FZD3: variants seen among roughly 807,000 people sequenced by gnomAD.
FZD3 encodes the protein frizzled-3.
In FZD3, 30 loss-of-function variants were observed where a neutral mutation model predicts 60.7. The observed-to-expected ratio is 0.49, with a 90% CI of 0.37 to 0.67. FZD3 has a LOEUF of 0.67. Among genes scored for constraint, FZD3 ranks in the 30% least tolerant of loss-of-function variants. FZD3 has a pLI of 0.00. For synonymous variants in FZD3, 246 were observed against 275.2 expected (o/e 0.89, Z 1.05); for missense variants, 605 against 838.7 (o/e 0.72, Z 3.44).
chr8:28,513,783 T>C (rs1397020622), intron 3 of FZD3, among the ~76,000 whole-genome samples: 1 of 152,160 alleles, frequency 6.6e-6, no homozygotes, highest in East Asian at 1.9e-4. Context: ...CCAAACCCCA[T>C]AGGGTACAGT....
intron 1 of FZD3, among the ~76,000 whole-genome samples, chr8:28,496,797 ATG>A (rs747946021): frequency 1.3e-5 from 2 of 152,230 alleles, no homozygotes; most frequent in Non-Finnish European, 2.9e-5. Context: ...TTTGAGATGA[ATG>A]TAACTAGGCT....
Position 28,551,738 on chromosome 8 carries a change from C to A in FZD3, c.1540C>A (p.Arg514Ser). ...TGAATGGGCCAGTTTTTTTCATGGT[C>A]GTAGGAAAAAAGAGTAAGTTGAAAT... ...CFEWASFFHG[R>S]RKKEIVNESR... is the part of the protein sequence containing the mutation. Residue 514 changes from arginine (R) to serine (S), a missense_variant, in exon 6 of 8, where the codon CGT becomes AGT. By Grantham distance (110) the Arg-to-Ser change is moderately radical (BLOSUM62 -1). Coordinates refer to ENST00000240093, the MANE Select transcript of FZD3 (RefSeq NM_017412.4). 2 of 1,599,986 alleles carry A rather than the reference C, an allele frequency of 1.3e-6. No individual in the cohort carries two copies. The highest frequency in any genetic ancestry group is 2.3e-5 in the South Asian group (2 of 87,546).
At chr8:28,510,048 A>G (rs79585373) in intron 3 of FZD3, among the ~76,000 whole-genome samples, 1,767 of 152,338 alleles carry the variant, frequency 0.012, 34 homozygotes, top group African/African-American at 0.04. Flanking sequence ...CATTTCCACC[A>G]GTAATACACA....
chr8:28,518,440 C>G (rs1804490645), intron 3 of FZD3, among the ~76,000 whole-genome samples: 2 of 152,160 alleles, frequency 1.3e-5, no homozygotes, highest in Admixed American at 1.3e-4. Context: ...TCTGATTTGT[C>G]TCTGCTACTA....
At chr8:28,550,695 T>C (rs1219641432) in intron 5 of FZD3, among the ~76,000 whole-genome samples, 2 of 152,042 alleles carry the variant, frequency 1.3e-5, no homozygotes. Flanking sequence ...TTTTGCCATC[T>C]TGGCCAGGCT....
intron 5 of FZD3, among the ~76,000 whole-genome samples, chr8:28,541,087 C>T (rs1269761915): frequency 6.6e-6 from 1 of 152,074 alleles, no homozygotes; most frequent in Non-Finnish European, 1.5e-5. Context: ...GTACTAACTA[C>T]CTCACTATTT....
intron 3 of FZD3, among the ~76,000 whole-genome samples, chr8:28,509,907 A>G (rs146645905): frequency 1.3e-3 from 192 of 152,296 alleles, no homozygotes; most frequent in Non-Finnish European, 1.9e-3. Context: ...ATATAAATGT[A>G]CAATCTGAGT....
intron 5 of FZD3, among the ~76,000 whole-genome samples, chr8:28,529,441 T>G (rs1804804915): frequency 6.6e-6 from 1 of 152,336 alleles, no homozygotes; most frequent in South Asian, 2.1e-4. Context: ...TACTCTGAAC[T>G]CTTCGCAAGA....
chr8:28,494,821 A>G (rs1383386917), intron 1 of FZD3, among the ~76,000 whole-genome samples: 5 of 150,958 alleles, frequency 3.3e-5, no homozygotes, highest in Admixed American at 1.3e-4. Flanking sequence ...GCGGAAGACA[A>G]TGCTCCGGGG....
intron 5 of FZD3, among the ~76,000 whole-genome samples, chr8:28,548,536 G>A (rs1414972060): frequency 1.3e-5 from 2 of 152,098 alleles, no homozygotes; most frequent in Non-Finnish European, 2.9e-5. Context: ...TTTTTTTCTA[G>A]AAGCCTGTCC....
chr8:28,550,408 A>G (rs1265631826), intron 5 of FZD3, among the ~76,000 whole-genome samples: 3 of 140,608 alleles, frequency 2.1e-5, no homozygotes, highest in East Asian at 2.0e-4. Flanking sequence ...TCCTTTTTCA[A>G]TAACCAACTT....
chr8:28,509,205 A>G (rs192381139), intron 3 of FZD3, among the ~76,000 whole-genome samples: 3 of 152,016 alleles, frequency 2.0e-5, no homozygotes, highest in Non-Finnish European at 4.4e-5. Context: ...ACTTCAAGGT[A>G]CATTCAGAGA....
intron 5 of FZD3, among the ~76,000 whole-genome samples, chr8:28,547,482 T>C (rs1805321756): frequency 6.6e-6 from 1 of 152,258 alleles, no homozygotes; most frequent in South Asian, 2.1e-4. Context: ...TTTATAGAGG[T>C]TTATGAATTT....
At chr8:28,547,856 CT>C (rs1336981470) in intron 5 of FZD3, among the ~76,000 whole-genome samples, 240 of 141,686 alleles carry the variant, frequency 1.7e-3, no homozygotes, top group Middle Eastern at 3.7e-3. Flanking sequence ...ACAGTTGTCT[CT>C]TTTTTTTTTT....
chr8:28,513,977 AAG>A (rs754029581), intron 3 of FZD3, among the ~76,000 whole-genome samples: 1 of 152,206 alleles, frequency 6.6e-6, no homozygotes, highest in Non-Finnish European at 1.5e-5. Flanking sequence ...TGAAAGAAGA[AAG>A]AGAATGGTAG....
intron 2 of FZD3, among the ~76,000 whole-genome samples, chr8:28,502,081 C>T (rs191340284): frequency 3.3e-5 from 5 of 152,146 alleles, no homozygotes; most frequent in African/African-American, 9.6e-5. Flanking sequence ...CTCATATCAT[C>T]CCTGTGAGCT....
Position 28,562,854 on chromosome 8 carries a change from C to G in FZD3, c.1844C>G (p.Ser615Ter). The part of the protein sequence containing the change: ...MEERLPHGSM[S>*]RLTDHSRHSS... Reference sequence around the variant, plus strand: ...GAGAGACTACCTCATGGCAGCATGTCACGACTAACAGATCACTCCAGGCAT... The same window carrying G: ...GAGAGACTACCTCATGGCAGCATGTGACGACTAACAGATCACTCCAGGCAT... Residue 615 changes from serine to a stop codon, truncating the protein, a stop_gained, in exon 8 of 8, where the codon TCA becomes TGA. Transcript: ENST00000240093. LOFTEE classifies it high-confidence loss of function. 6.2e-7 allele frequency: 1 copy of G among 1,613,666 alleles called. No homozygotes were observed. Among genetic ancestry groups the G allele is most frequent in the South Asian group, 1.1e-5 (1 of 91,034 alleles).
At position 28,571,899 on chromosome 8, in the gene FZD3, CA is replaced by C. The variant is rs1485228238; in HGVS notation, c.*8895del. 1 of 151,738 alleles carries C rather than the reference CA, an allele frequency of 6.6e-6. No individual in the cohort carries two copies. Among genetic ancestry groups the C allele is most frequent in the Non-Finnish European group, 1.5e-5 (1 of 67,928 alleles). The allele number at this position is 151,738 out of a possible 1,614,324, so 9.4% of individuals were successfully genotyped here. ...TTTCGTCAAAATTAAAATACTTTACCAAAAAAATACTTTTTTGTATTTTAAT... is the reference window on the plus strand; with the variant it reads ...TTTCGTCAAAATTAAAATACTTTACCAAAAAATACTTTTTTGTATTTTAAT... On this transcript the variant is annotated 3_prime_UTR_variant, in exon 8 of 8. Transcript: ENST00000240093.
chr8:28,542,446 T>C (rs542320201), intron 5 of FZD3, among the ~76,000 whole-genome samples: 1 of 152,242 alleles, frequency 6.6e-6, no homozygotes, highest in Admixed American at 6.5e-5. Context: ...GAGACCAGCC[T>C]GACCAAAATG....
Sources: allele counts gnomAD v4.1 joint callset (sites outside exome capture counted in the v4.1 genomes callset), GRCh38; gene constraint gnomAD v4.1.1; transcripts MANE v1.5; gene names NCBI Gene and HGNC (gene_info 2026-07-23, HGNC 2026-07-21).